The following STXBP3 variants were observed in gnomAD, a reference collection of about 807,000 sequenced individuals.
The protein encoded by STXBP3 is syntaxin-binding protein 3.
Under a neutral mutation model 85.7 loss-of-function variants are expected in STXBP3, and 41 were observed. The ratio of observed to expected loss-of-function variants is 0.48; its 90% confidence interval spans 0.37 to 0.62. The LOEUF (loss-of-function observed/expected upper bound fraction) is 0.62, where lower values mean the gene tolerates loss of function less well. STXBP3 is among the 20% of genes least tolerant of loss of function. The pLI is 0.00. For missense variants in STXBP3, 563 were observed against 703.1 expected, an observed-to-expected ratio of 0.80 and a Z score of 2.25; for synonymous variants, 229 against 231.7, an observed-to-expected ratio of 0.99 and a Z score of 0.10.
intron 1 of STXBP3, among the ~76,000 whole-genome samples, chr1:108,751,687 GA>G (rs1378583263): frequency 1.3e-5 from 2 of 152,022 alleles, no homozygotes; most frequent in African/African-American, 4.8e-5. Flanking sequence ...ATACATAATG[GA>G]AAATGTTTTT....
chr1:108,787,101 G>A (rs908273752), intron 11 of STXBP3, among the ~76,000 whole-genome samples: 2 of 151,926 alleles, frequency 1.3e-5, no homozygotes, highest in Non-Finnish European at 2.9e-5. Context: ...TGGATCTGGT[G>A]ACCTTGCTAA....
intron 1 of STXBP3, 95 bp from the exon 2 acceptor site, chr1:108,752,162 T>C: frequency 2.6e-6 from 3 of 1,163,286 alleles, no homozygotes; most frequent in Non-Finnish European, 3.7e-6. Flanking sequence ...TTTAACAAAT[T>C]TCAAATTGGA....
chr1:108,771,416 A>ATC (rs1491301029), intron 6 of STXBP3, among the ~76,000 whole-genome samples: 11 of 74,334 alleles, frequency 1.5e-4, no homozygotes, highest in African/African-American at 5.6e-4. Flanking sequence ...CTATATATAT[A>ATC]ATATATAAAT....
chr1:108,796,793 T>G (rs1570772528), intron 15 of STXBP3, 67 bp downstream of exon 15: 1 of 305,768 alleles, frequency 3.3e-6, no homozygotes, highest in Non-Finnish European at 4.2e-6. Context: ...GTATTAACTG[T>G]TTTTTTTTTT....
At chr1:108,777,509 A>G (rs763026968) in intron 8 of STXBP3, among the ~76,000 whole-genome samples, 22 of 152,158 alleles carry the variant, frequency 1.4e-4, no homozygotes, top group Admixed American at 9.2e-4. Flanking sequence ...GGCCTGGTGA[A>G]GGCTGTTATT....
At chr1:108,792,948 C>T (rs1175852313) in intron 11 of STXBP3, among the ~76,000 whole-genome samples, 1 of 152,132 alleles carries the variant, frequency 6.6e-6, no homozygotes, top group East Asian at 1.9e-4. Flanking sequence ...ATATTCTTAG[C>T]ACTAAGACCC....
chr1:108,759,065 A>G (rs112247040), intron 5 of STXBP3: 105 of 152,354 alleles, frequency 6.9e-4, no homozygotes, highest in African/African-American at 2.4e-3. Context: ...TTACTCTGCC[A>G]TATGATCACA....
intron 3 of STXBP3, 37 bp downstream of exon 3, chr1:108,753,181 T>C: frequency 1.4e-6 from 2 of 1,423,698 alleles, no homozygotes; most frequent in Non-Finnish European, 1.9e-6. Flanking sequence ...TTTTTAATTG[T>C]AATTGGGGGA....
At chr1:108,791,484 G>A (rs1192525837) in intron 11 of STXBP3, among the ~76,000 whole-genome samples, 1 of 150,502 alleles carries the variant, frequency 6.6e-6, no homozygotes, top group African/African-American at 2.4e-5. Flanking sequence ...CAGTCAACAT[G>A]TTTTTTAGAT....
intron 17 of STXBP3, among the ~76,000 whole-genome samples, chr1:108,807,073 G>A (rs1009336588): frequency 6.6e-5 from 10 of 152,204 alleles, no homozygotes; most frequent in Admixed American, 3.3e-4. Flanking sequence ...CCAACATGGT[G>A]AAACCCTGTC....
At chr1:108,777,137 G>A (rs1013434230) in intron 8 of STXBP3, among the ~76,000 whole-genome samples, 2 of 152,084 alleles carry the variant, frequency 1.3e-5, no homozygotes, top group Admixed American at 6.6e-5. Context: ...TACAGTAGCT[G>A]GAGAATGAAG....
At chr1:108,796,132 G>C in intron 13 of STXBP3, 102 bp from the exon 14 acceptor site, 2 of 1,276,732 alleles carry the variant, frequency 1.6e-6, no homozygotes, top group Non-Finnish European at 2.1e-6. Context: ...CAAAGTGCTG[G>C]GATTACAGGC....
chr1:108,798,136 T>C lies in STXBP3; in HGVS notation c.1357-9T>C, dbSNP rs1663150239. The C allele has an allele frequency of 6.3e-7, 1 of 1,588,634 alleles. No individual in the cohort carries two copies. Among genetic ancestry groups the C allele is most frequent in the Admixed American group, 1.9e-5 (1 of 52,864 alleles). On this transcript the variant is annotated splice_polypyrimidine_tract_variant and intron_variant, in intron 15 of 18. Coordinates refer to ENST00000370008, the MANE Select transcript of STXBP3 (RefSeq NM_007269.4). The stretch of plus-strand genomic sequence containing the variant: ...CTGGTTTTTAATTTTTTTCCTCTAA[T>C]TGTATTAGTCTCAACAAGGCAAACC...
intron 11 of STXBP3, among the ~76,000 whole-genome samples, chr1:108,786,919 A>G (rs1264338044): frequency 1.3e-5 from 2 of 152,192 alleles, no homozygotes; most frequent in African/African-American, 4.8e-5. Context: ...ATATAGCTCC[A>G]CTTATGTAGA....
chr1:108,808,915 T>C lies in STXBP3; in HGVS notation c.*38T>C, dbSNP rs772754156. 7.3e-6 allele frequency: 10 copies of C among 1,369,504 alleles called. No individual in the cohort carries two copies. The allele number at this position is 1,369,504 out of a possible 1,614,324, so 84.8% of individuals were successfully genotyped here. On this transcript the variant is annotated 3_prime_UTR_variant, in exon 19 of 19. Coordinates refer to ENST00000370008, the MANE Select transcript of STXBP3 (RefSeq NM_007269.4). ...GAGGGTTTAGAGATTCTTACTAATA[T>C]GTTGAACTAAAATAGAAAGAAAATG...
At chr1:108,758,982 C>G (rs1241319185) in intron 5 of STXBP3, 2 of 152,354 alleles carry the variant, frequency 1.3e-5, no homozygotes, top group Non-Finnish European at 2.9e-5. Flanking sequence ...AAACAAAGAC[C>G]TTTTGAGAGG....
chr1:108,770,638 TACTTAAC>T (rs1662371064), intron 6 of STXBP3, among the ~76,000 whole-genome samples: 1 of 152,178 alleles, frequency 6.6e-6, no homozygotes, highest in African/African-American at 2.4e-5. Context: ...CATAATTCAT[TACTTAAC>T]CTATAATGTT....
At chr1:108,774,737 C>G (rs1662549845) in intron 7 of STXBP3, among the ~76,000 whole-genome samples, 1 of 150,166 alleles carries the variant, frequency 6.7e-6, no homozygotes, top group South Asian at 2.1e-4. Flanking sequence ...CCTCTGCCTC[C>G]CAAAGTGCTG....
chr1:108,779,671 C>T, intron 9 of STXBP3: 1 of 263,368 alleles, frequency 3.8e-6, no homozygotes, highest in Non-Finnish European at 7.0e-6. Context: ...TACATTTAAA[C>T]ACAGGGAATT....
Sources: gnomAD v4.1 joint callset for allele counts (sites outside exome capture counted in the v4.1 genomes callset) on GRCh38, gnomAD v4.1.1 for gene constraint, MANE v1.5 for transcripts, NCBI Gene and HGNC (gene_info 2026-07-23, HGNC 2026-07-21) for gene names.